PLD5: variants seen among roughly 807,000 people sequenced by gnomAD.
PLD5 encodes the protein inactive phospholipase D5.
In PLD5, 36 loss-of-function variants were observed where a neutral mutation model predicts 61.1. That is an observed-to-expected ratio of 0.59 (90% CI 0.45 to 0.78). The LOEUF (loss-of-function observed/expected upper bound fraction) is 0.78. PLD5 is among the 30% of genes least tolerant of loss of function. The pLI, the probability that PLD5 is intolerant of heterozygous loss-of-function variation, is 0.00. For synonymous variants in PLD5, 243 were observed against 242.8 expected, an observed-to-expected ratio of 1.00 and a Z score of -0.01; for missense variants, 515 against 644.4, an observed-to-expected ratio of 0.80 and a Z score of 2.17.
At chr1:242,486,035 C>T (rs932922615) in intron 1 of PLD5, among the ~76,000 whole-genome samples, 18 of 152,074 alleles carry the variant, frequency 1.2e-4, no homozygotes, top group African/African-American at 3.9e-4. Context: ...AAACTGGATC[C>T]CTTCCTTACA....
chr1:242,151,434 T>C lies in PLD5; in HGVS notation c.736-26769A>G, dbSNP rs543598973. Among the ~76,000 whole-genome samples, 20 of 152,104 alleles carry C rather than the reference T, an allele frequency of 1.3e-4. No individual in the cohort carries two copies. In the East Asian group the frequency reaches 2.3e-3, roughly 18 times the overall value. On this transcript the variant is annotated intron_variant, in intron 5 of 9. Coordinates refer to ENST00000536534, the MANE Select transcript of PLD5 (RefSeq NM_001372062.1). Reference sequence around the variant, plus strand: ...AAGAGTTTTTCACCAATTATAAAATTTGGGGTGGACACGGAGTTTTTTCCC... The same window carrying C: ...AAGAGTTTTTCACCAATTATAAAATCTGGGGTGGACACGGAGTTTTTTCCC...
intron 1 of PLD5, among the ~76,000 whole-genome samples, chr1:242,450,076 T>C (rs1380015783): frequency 6.6e-6 from 1 of 152,204 alleles, no homozygotes; most frequent in Non-Finnish European, 1.5e-5. Flanking sequence ...ATGCTTTAAA[T>C]CTAGCCTGTG....
chr1:242,470,315 T>C (rs190049956), intron 1 of PLD5, among the ~76,000 whole-genome samples: 269 of 149,372 alleles, frequency 1.8e-3, no homozygotes, highest in Non-Finnish European at 2.8e-3. Flanking sequence ...GCACTCCAGC[T>C]TGGGCGACAG....
intron 5 of PLD5, among the ~76,000 whole-genome samples, chr1:242,131,875 C>G (rs1029210747): frequency 7.0e-6 from 1 of 142,850 alleles, no homozygotes; most frequent in African/African-American, 2.6e-5. Context: ...CATTCTGTCA[C>G]CCAGGCTGGA....
At chr1:242,137,047 AGTC>A (rs1344210451) in intron 5 of PLD5, among the ~76,000 whole-genome samples, 1 of 152,228 alleles carries the variant, frequency 6.6e-6, no homozygotes, top group Non-Finnish European at 1.5e-5. Context: ...AGGAAAAAGA[AGTC>A]AGTCTGGCAG....
At chr1:242,198,815 A>ACCTCCAC (rs1412742602) in intron 5 of PLD5, among the ~76,000 whole-genome samples, 3 of 151,350 alleles carry the variant, frequency 2.0e-5, no homozygotes, top group Non-Finnish European at 4.4e-5. Flanking sequence ...GCTCACCGCA[A>ACCTCCAC]CCTCCACCTC....
chr1:242,405,930 A>G (rs1350360388), intron 1 of PLD5, among the ~76,000 whole-genome samples: 1 of 151,346 alleles, frequency 6.6e-6, no homozygotes, highest in African/African-American at 2.4e-5. Context: ...CTAAAAAAAA[A>G]TCTAGCAATT....
At chr1:242,479,146 A>C (rs1337258465) in intron 1 of PLD5, among the ~76,000 whole-genome samples, 1 of 152,230 alleles carries the variant, frequency 6.6e-6, no homozygotes, top group Non-Finnish European at 1.5e-5. Flanking sequence ...TGGACAAACT[A>C]TCTAAAATTT....
At chr1:242,181,358 C>G (rs151106559) in intron 5 of PLD5, among the ~76,000 whole-genome samples, 10 of 152,152 alleles carry the variant, frequency 6.6e-5, no homozygotes, top group African/African-American at 1.9e-4. Context: ...ACCCAATGGA[C>G]AAATGTTTAT....
rs573739678 is a variant in PLD5 at position 242,402,021 on chromosome 1, C to T, written c.190-53779G>A. Among the ~76,000 whole-genome samples the T allele has an allele frequency of 1.6e-4, 25 of 152,308 alleles. No individual in the cohort carries two copies. In the South Asian group the frequency reaches 4.8e-3, roughly 29 times the overall value. ...TTCCACATAGAATATTCTCCCACCC[C>T]GGCTTCCGCCTGCACCATGCTTCTG... On this transcript the variant is annotated intron_variant, in intron 1 of 9. Coordinates refer to ENST00000536534, the MANE Select transcript of PLD5 (RefSeq NM_001372062.1).
rs114990130 is a variant in PLD5, at chr1:242,221,888, C to T, written c.608-1773G>A. Among the ~76,000 whole-genome samples the T allele has an allele frequency of 8.9e-3, 1,359 of 152,234 alleles. 19 individuals carry two copies. Among genetic ancestry groups the T allele is most frequent in the African/African-American group, 0.031 (1,298 of 41,546 alleles). On this transcript the variant is annotated intron_variant, in intron 4 of 9. Transcript: ENST00000536534. ...TTGTCCTTAGATACGGGATTAGTTC[C>T]CTAGGTCTGCTATAACAAAGTACCC... is the stretch of plus-strand genomic sequence containing the variant.
rs188888522 is a variant in PLD5, at chr1:242,229,575, A to G, written c.608-9460T>C. On this transcript the variant is annotated intron_variant, in intron 4 of 9. Transcript: ENST00000536534. ...ATTGACATATGTATGTGGCATATAT[A>G]TTCATTTATTTGTTGATCTTCTCTA... Among the ~76,000 whole-genome samples, 40 of 152,274 alleles carry G rather than the reference A, an allele frequency of 2.6e-4. No homozygotes were observed. The East Asian group carries it at 7.1e-3, about 27-fold the overall frequency.
intron 1 of PLD5, among the ~76,000 whole-genome samples, chr1:242,502,897 C>T (rs1331787617): frequency 6.6e-6 from 1 of 152,008 alleles, no homozygotes; most frequent in African/African-American, 2.4e-5. Context: ...CCTGTCTCTA[C>T]TAAAAATACA....
At chr1:242,230,301 T>C (rs1309509300) in intron 4 of PLD5, among the ~76,000 whole-genome samples, 1 of 152,208 alleles carries the variant, frequency 6.6e-6, no homozygotes, top group Non-Finnish European at 1.5e-5. Flanking sequence ...CCTAATAGCA[T>C]TATAAAATTA....
intron 3 of PLD5, among the ~76,000 whole-genome samples, chr1:242,266,241 C>T (rs1044289253): frequency 2.6e-5 from 4 of 152,064 alleles, no homozygotes; most frequent in African/African-American, 7.2e-5. Context: ...ATTAGCTGGG[C>T]ATGGTGGTGC....
At chr1:242,164,175 A>G (rs1666125590) in intron 5 of PLD5, among the ~76,000 whole-genome samples, 1 of 151,880 alleles carries the variant, frequency 6.6e-6, no homozygotes, top group South Asian at 2.1e-4. Flanking sequence ...CAGAAAAAAA[A>G]AAAAGAAATT....
chr1:242,466,593 T>TTA (rs1285881035), intron 1 of PLD5, among the ~76,000 whole-genome samples: 1 of 152,142 alleles, frequency 6.6e-6, no homozygotes, highest in Non-Finnish European at 1.5e-5. Context: ...ATGCTCTTAC[T>TTA]TATAAAAAGT....
At chr1:242,309,119 G>A (rs1676545660) in intron 2 of PLD5, among the ~76,000 whole-genome samples, 1 of 152,108 alleles carries the variant, frequency 6.6e-6, no homozygotes, top group South Asian at 2.1e-4. Flanking sequence ...TGAATGGAGG[G>A]AAAGAATACA....
At position 242,288,450 on chromosome 1, in the gene PLD5, C is replaced by T; in HGVS notation, c.407G>A (p.Trp136Ter). Residue 136 changes from tryptophan to a stop codon, truncating the protein, a stop_gained, in exon 3 of 10, where the codon TGG becomes TAG. Coordinates refer to ENST00000536534, the MANE Select transcript of PLD5 (RefSeq NM_001372062.1). LOFTEE classifies it high-confidence loss of function. ...APFHLSLFQG[W>*]MNLLNMAKKS... ...TTTGGCCATGTTGAGTAAATTCATC[C>T]AGCCTTGGAAAAGTGATAAGTGAAA... is the stretch of plus-strand genomic sequence containing the variant. 6.2e-7 allele frequency: 1 copy of T among 1,612,660 alleles called. No homozygotes were observed. Among genetic ancestry groups the T allele is most frequent in the South Asian group, 1.1e-5 (1 of 90,674 alleles).
Sources: gnomAD v4.1 joint callset for allele counts (sites outside exome capture counted in the v4.1 genomes callset) on GRCh38, gnomAD v4.1.1 for gene constraint, MANE v1.5 for transcripts, NCBI Gene and HGNC (gene_info 2026-07-23, HGNC 2026-07-21) for gene names.